Variants in GRM5 observed in about 807,000 individuals in gnomAD.
GRM5 encodes the protein glutamate metabotropic receptor 5.
A neutral mutation model predicts 83.1 loss-of-function variants in GRM5; 19 were observed. The observed-to-expected ratio is 0.23, with a 90% CI of 0.16 to 0.34. GRM5 has a LOEUF of 0.34. Ranked by LOEUF, GRM5 falls within the 10% of genes least tolerant of loss-of-function variation. GRM5 has a pLI of 1.00. For synonymous variants in GRM5, 675 were observed against 633.6 expected (o/e 1.07, Z -0.98); for missense variants, 1,160 against 1,588.3 (o/e 0.73, Z 4.58).
chr11:88,810,777 T>A (rs1943575795), intron 3 of GRM5, among the ~76,000 whole-genome samples: 1 of 152,116 alleles, frequency 6.6e-6, no homozygotes, highest in Non-Finnish European at 1.5e-5. Context: ...CCAACCAGGA[T>A]CATTGAATAA....
rs542341843 is a variant in GRM5, at chr11:88,750,414, T to C, written c.912-97011A>G. On this transcript the variant is annotated intron_variant, in intron 3 of 9. Coordinates refer to ENST00000305447, the MANE Select transcript of GRM5 (RefSeq NM_001143831.3). ...CTATCCTAAATATATATGCACCCAATGCAAGAGCACCTGGATTCATAAAGC... is the reference window on the plus strand; with the variant it reads ...CTATCCTAAATATATATGCACCCAACGCAAGAGCACCTGGATTCATAAAGC... 3.9e-5 allele frequency among the ~76,000 whole-genome samples: 6 copies of C among 152,280 alleles called. No individual in the cohort carries two copies. In the South Asian group the frequency reaches 1.2e-3, roughly 32 times the overall value.
intron 2 of GRM5, among the ~76,000 whole-genome samples, chr11:88,891,648 TAACTA>T (rs1188479076): frequency 6.9e-6 from 1 of 144,736 alleles, no homozygotes; most frequent in African/African-American, 2.6e-5. Flanking sequence ...ACCACGGAGA[TAACTA>T]AACTTCTTTG....
At chr11:88,710,793 G>A (rs180723863) in intron 3 of GRM5, among the ~76,000 whole-genome samples, 1 of 151,988 alleles carries the variant, frequency 6.6e-6, no homozygotes, top group African/African-American at 2.4e-5. Flanking sequence ...AGAAGAAACA[G>A]GATACGTAAA....
At chr11:88,770,552 G>T (rs1460777047) in intron 3 of GRM5, among the ~76,000 whole-genome samples, 1 of 151,970 alleles carries the variant, frequency 6.6e-6, no homozygotes, top group Non-Finnish European at 1.5e-5. Flanking sequence ...TGTTGCTTTT[G>T]GTTAATTGAT....
chr11:88,759,904 A>G (rs1209888575), intron 3 of GRM5, among the ~76,000 whole-genome samples: 1 of 152,190 alleles, frequency 6.6e-6, no homozygotes, highest in Non-Finnish European at 1.5e-5. Context: ...ATCAAATTAG[A>G]AATCAAGACT....
At chr11:88,564,005 G>T (rs1942816624) in intron 8 of GRM5, among the ~76,000 whole-genome samples, 1 of 152,088 alleles carries the variant, frequency 6.6e-6, no homozygotes, top group South Asian at 2.1e-4. Flanking sequence ...AATGACTGTG[G>T]GTTAAAAAGG....
At chr11:88,972,544 G>T (rs1939199366) in intron 2 of GRM5, among the ~76,000 whole-genome samples, 1 of 152,044 alleles carries the variant, frequency 6.6e-6, no homozygotes, top group African/African-American at 2.4e-5. Context: ...TAAATTGGGG[G>T]TGGTGCTGGA....
rs79089971 is a variant in GRM5 at position 88,632,343 on chromosome 11, C to T, written c.1147+20825G>A. ...CTCACTGCAGGCTTAAGCGATCCTC[C>T]TGCCTCAGACCCCCAAGCACCTAGG... On this transcript the variant is annotated intron_variant, in intron 4 of 9. Coordinates refer to ENST00000305447, the MANE Select transcript of GRM5 (RefSeq NM_001143831.3). Among the ~76,000 whole-genome samples, 1,171 of 150,268 alleles carry T rather than the reference C, an allele frequency of 7.8e-3. 19 individuals carry two copies. Among genetic ancestry groups the T allele is most frequent in the African/African-American group, 0.026 (1,069 of 40,824 alleles).
At chr11:88,968,666 T>A (rs1939069912) in intron 2 of GRM5, among the ~76,000 whole-genome samples, 1 of 152,056 alleles carries the variant, frequency 6.6e-6, no homozygotes, top group Non-Finnish European at 1.5e-5. Flanking sequence ...ACAGAGTAAG[T>A]CCCTGTCTCT....
At chr11:88,568,056 A>G (rs1942909339) in intron 7 of GRM5, 64 bp from the exon 8 acceptor site, 1 of 1,028,322 alleles carries the variant, frequency 9.7e-7, no homozygotes, top group South Asian at 1.5e-5. Flanking sequence ...ACATATCCCT[A>G]AGTTACAAGC....
intron 2 of GRM5, among the ~76,000 whole-genome samples, chr11:88,888,628 T>G (rs1408933320): frequency 1.3e-5 from 2 of 152,178 alleles, no homozygotes; most frequent in East Asian, 3.9e-4. Context: ...AGGTAAAAGT[T>G]TTTTTTTACT....
intron 3 of GRM5, among the ~76,000 whole-genome samples, chr11:88,686,419 T>A (rs530167730): frequency 6.6e-6 from 1 of 152,322 alleles, no homozygotes; most frequent in Admixed American, 6.5e-5. Context: ...TTATCTCAGA[T>A]GAGGCTTTGA....
intron 2 of GRM5, among the ~76,000 whole-genome samples, chr11:88,977,028 T>G (rs1267015551): frequency 1.3e-5 from 2 of 151,778 alleles, no homozygotes; most frequent in Non-Finnish European, 2.9e-5. Context: ...AAAACTCTAT[T>G]TCTCATGTGG....
At chr11:88,616,860 C>T (rs932816434) in intron 4 of GRM5, among the ~76,000 whole-genome samples, 1 of 152,112 alleles carries the variant, frequency 6.6e-6, no homozygotes, top group Non-Finnish European at 1.5e-5. Context: ...GTAACATTGG[C>T]GGTGATCTGT....
chr11:88,860,710 T>C (rs1159750607), intron 2 of GRM5, among the ~76,000 whole-genome samples: 1 of 152,206 alleles, frequency 6.6e-6, no homozygotes, highest in Non-Finnish European at 1.5e-5. Flanking sequence ...AAGGACTTGG[T>C]GTCTAAACAA....
rs1941229657 is a variant in GRM5 at position 88,508,134 on chromosome 11, G to C, written c.*458C>G. 1 of 153,048 alleles carries C rather than the reference G, an allele frequency of 6.5e-6. No individual in the cohort carries two copies. Among genetic ancestry groups the C allele is most frequent in the Non-Finnish European group, 1.5e-5 (1 of 68,342 alleles). The allele number at this position is 153,048 out of a possible 1,614,324, so 9.5% of individuals were successfully genotyped here. On this transcript the variant is annotated 3_prime_UTR_variant, in exon 10 of 10. Coordinates refer to ENST00000305447, the MANE Select transcript of GRM5 (RefSeq NM_001143831.3). This position sits in a 1 kb window ranked among gnomAD's most constrained non-coding sequence, Gnocchi z 4.2. ...GAAAAAAGTTGATGTTTTGGTCCCA[G>C]ATTTTGAGTTTGTTAGAAAATGTAC...
At chr11:88,971,882 G>A (rs1245394542) in intron 2 of GRM5, among the ~76,000 whole-genome samples, 2 of 152,098 alleles carry the variant, frequency 1.3e-5, no homozygotes, top group African/African-American at 4.8e-5. Flanking sequence ...CCAGGGCTGA[G>A]GCAGGGAAAA....
chr11:88,573,521 G>A (rs1943048748), intron 7 of GRM5, among the ~76,000 whole-genome samples: 2 of 152,152 alleles, frequency 1.3e-5, no homozygotes, highest in African/African-American at 2.4e-5. Flanking sequence ...GTATATTTTG[G>A]ATAAAGGAAG....
chr11:88,898,498 G>A (rs1431356978), intron 2 of GRM5, among the ~76,000 whole-genome samples: 1 of 151,896 alleles, frequency 6.6e-6, no homozygotes, highest in Non-Finnish European at 1.5e-5. Flanking sequence ...CTGACTGTCT[G>A]TAGCATTAAT....
Sources: gnomAD v4.1 joint callset for allele counts (sites outside exome capture counted in the v4.1 genomes callset) on GRCh38, gnomAD v4.1.1 for gene constraint, Gnocchi (gnomAD v3.1) non-coding constraint, MANE v1.5 for transcripts, NCBI Gene and HGNC (gene_info 2026-07-23, HGNC 2026-07-21) for gene names.